The following GLIS3 variants were observed in gnomAD, a reference collection of about 807,000 sequenced individuals.
The protein encoded by GLIS3 is zinc finger protein GLIS3.
In GLIS3, 53 loss-of-function variants were observed where a neutral mutation model predicts 78.6. The ratio of observed to expected loss-of-function variants is 0.67; its 90% CI spans 0.54 to 0.85. The LOEUF is 0.85. Among genes scored for constraint, GLIS3 ranks in the 40% least tolerant of loss-of-function variants. The pLI is 0.00. For synonymous variants in GLIS3, 684 were observed against 509.9 expected (o/e 1.34, Z -4.60); for missense variants, 1,703 against 1,231.1 (o/e 1.38, Z -5.74).
chr9:3,973,552 A>AAGTCAAGTTCTTTATTACAC (rs1324371225), intron 4 of GLIS3, among the ~76,000 whole-genome samples: 1 of 152,182 alleles, frequency 6.6e-6, no homozygotes, highest in Non-Finnish European at 1.5e-5. Flanking sequence ...TCTTTGGGCG[A>AAGTCAAGTTCTTTATTACAC]AGTCAAGTTC....
chr9:4,384,337 C>T, the GLIS3 span, among the ~76,000 whole-genome samples: 3 of 46,282 alleles, frequency 6.5e-5, no homozygotes, highest in East Asian at 9.8e-4. Flanking sequence ...GACTCACCTT[C>T]ACTGGAAAAA....
chr9:4,081,800 C>T lies in GLIS3; in HGVS notation c.1710+35968G>A, dbSNP rs545603928. On this transcript the variant is annotated intron_variant, in intron 4 of 10. Coordinates refer to ENST00000381971, the MANE Select transcript of GLIS3 (RefSeq NM_001042413.2). ...TATCATAAATTAGCCACCATAATTT[C>T]CCTCCAGAAGCCATTATATACAAGC... Among the ~76,000 whole-genome samples the T allele has an allele frequency of 2.6e-5, 4 of 152,310 alleles. No homozygotes were observed. In the East Asian group the frequency reaches 7.7e-4, roughly 29 times the overall value.
the GLIS3 span, among the ~76,000 whole-genome samples, chr9:4,482,481 C>A: frequency 6.6e-6 from 1 of 152,262 alleles, no homozygotes; most frequent in African/African-American, 2.4e-5. Flanking sequence ...TTCTCCCCAC[C>A]CATGGGTCAC....
rs1457730500 is a variant in GLIS3 at position 4,333,357 on chromosome 9, G to A, written n.264+13724C>T. 2.7e-5 allele frequency among the ~76,000 whole-genome samples: 4 copies of A among 150,086 alleles called. 1 individual carries two copies. The highest frequency in any genetic ancestry group is 3.9e-4 in the East Asian group (2 of 5,140). On this transcript the variant is annotated intron_variant and non_coding_transcript_variant, in intron 2 of 4. Transcript: ENST00000471664. ...GAAAGGAAAGAAAAAAGGGAAGGAA[G>A]GAAGGAAAAAGGGAAGAAAGGAAGG...
At chr9:4,079,008 A>T (rs1020093699) in intron 4 of GLIS3, among the ~76,000 whole-genome samples, 5 of 152,188 alleles carry the variant, frequency 3.3e-5, no homozygotes, top group African/African-American at 1.2e-4. Flanking sequence ...TCTTTAGGAA[A>T]CTGCTAAATA....
chr9:4,103,745 G>A (rs1178851091), intron 4 of GLIS3, among the ~76,000 whole-genome samples: 1 of 152,154 alleles, frequency 6.6e-6, no homozygotes, highest in Non-Finnish European at 1.5e-5. Flanking sequence ...CATGAGGGTG[G>A]AAATCAATGT....
At chr9:4,397,352 TTTTG>T in the GLIS3 span, among the ~76,000 whole-genome samples, 2 of 151,768 alleles carry the variant, frequency 1.3e-5, no homozygotes, top group Admixed American at 6.5e-5. Flanking sequence ...ATTTTGTGGG[TTTTG>T]TTTGTTTGGT....
At chr9:4,119,961 A>C (rs919142011) in intron 3 of GLIS3, among the ~76,000 whole-genome samples, 1 of 152,274 alleles carries the variant, frequency 6.6e-6, no homozygotes, top group African/African-American at 2.4e-5. Flanking sequence ...GAGGCAAGAC[A>C]TAACACGCTG....
At chr9:4,125,496 A>G (rs1037212355) in intron 3 of GLIS3, among the ~76,000 whole-genome samples, 2 of 152,200 alleles carry the variant, frequency 1.3e-5, no homozygotes, top group African/African-American at 4.8e-5. Flanking sequence ...TTAGGTATTC[A>G]TGTCACTCAC....
chr9:4,014,865 A>G (rs1822314183), intron 4 of GLIS3, among the ~76,000 whole-genome samples: 1 of 152,180 alleles, frequency 6.6e-6, no homozygotes, highest in African/African-American at 2.4e-5. Flanking sequence ...AGCTAGGACA[A>G]TTCAACCATT....
chr9:4,118,136 G>C lies in GLIS3; in HGVS notation c.1342C>G (p.Pro448Ala). 6 of 1,550,824 alleles carry C rather than the reference G, an allele frequency of 3.9e-6. No individual in the cohort carries two copies. Among genetic ancestry groups the C allele is most frequent in the African/African-American group, 2.7e-5 (2 of 73,724 alleles). The stretch of plus-strand genomic sequence containing the variant: ...GGGGGCGGCGGCAGAGGAGGGAGCG[G>C]AGGCGCGGGGGGTAGGTCTACGGTG... ...GSTVDLPPAP[P>A]LPPLPPPPGP... Residue 448 changes from proline (P) to alanine (A), a missense_variant, in exon 4 of 11, where the codon CCG becomes GCG. Physicochemically the swap from Pro to Ala is conservative, Grantham distance 27. Transcript: ENST00000381971. This position sits in a 1 kb window ranked among gnomAD's most constrained non-coding sequence, Gnocchi z 4.7.
intron 2 of GLIS3, among the ~76,000 whole-genome samples, chr9:4,163,139 A>G (rs937872832): frequency 6.6e-6 from 1 of 152,232 alleles, no homozygotes; most frequent in Non-Finnish European, 1.5e-5. Context: ...TAAAGCAATC[A>G]GCTCTAAAGT....
intron 2 of GLIS3, among the ~76,000 whole-genome samples, chr9:4,180,123 G>C (rs1424385588): frequency 6.6e-6 from 1 of 152,112 alleles, no homozygotes; most frequent in Non-Finnish European, 1.5e-5. Context: ...GGGAGAGTCA[G>C]TGAGGGGCAG....
chr9:4,431,454 G>T, the GLIS3 span, among the ~76,000 whole-genome samples: 14 of 146,694 alleles, frequency 9.5e-5, no homozygotes, highest in Non-Finnish European at 1.1e-4. Flanking sequence ...GGAAGATGAG[G>T]AGTTTTGCTC....
intron 4 of GLIS3, among the ~76,000 whole-genome samples, chr9:4,042,693 A>G (rs1207174695): frequency 6.6e-6 from 1 of 152,204 alleles, no homozygotes; most frequent in Non-Finnish European, 1.5e-5. Context: ...TTCAGCTGCC[A>G]CTATAACAAA....
intron 2 of GLIS3, among the ~76,000 whole-genome samples, chr9:4,242,190 G>C (rs1397841361): frequency 6.6e-6 from 1 of 152,084 alleles, no homozygotes; most frequent in East Asian, 1.9e-4. Context: ...CCATGAAACA[G>C]CTCCCACCTT....
the GLIS3 span, among the ~76,000 whole-genome samples, chr9:4,389,708 A>G: frequency 2.5e-4 from 38 of 152,206 alleles, no homozygotes; most frequent in African/African-American, 8.9e-4. Context: ...CCTGCATTTG[A>G]GGAAAGACAC....
chr9:4,383,042 T>C, the GLIS3 span, among the ~76,000 whole-genome samples: 5 of 152,134 alleles, frequency 3.3e-5, no homozygotes, highest in Non-Finnish European at 5.9e-5. Context: ...GCCAAGAAAA[T>C]AGACAGCAAA....
chr9:3,853,089 G>C (rs1054092874), intron 9 of GLIS3, among the ~76,000 whole-genome samples: 1 of 152,132 alleles, frequency 6.6e-6, no homozygotes, highest in African/African-American at 2.4e-5. Context: ...GTGTGTGCCT[G>C]CAGTCTCGGC....
Sources: allele counts gnomAD v4.1 joint callset (sites outside exome capture counted in the v4.1 genomes callset), GRCh38; gene constraint gnomAD v4.1.1; non-coding constraint Gnocchi (gnomAD v3.1); transcripts MANE v1.5; gene names NCBI Gene and HGNC (gene_info 2026-07-23, HGNC 2026-07-21).